MYO5B: variants seen among roughly 807,000 people sequenced by gnomAD.
The protein encoded by MYO5B is myosin VB, also known as unconventional myosin-Vb.
Under a neutral mutation model 229.3 loss-of-function variants are expected in MYO5B, and 143 were observed. The ratio of observed to expected loss-of-function variants is 0.62; its 90% CI spans 0.54 to 0.72. The LOEUF (loss-of-function observed/expected upper bound fraction) is 0.72. Ranked by LOEUF, MYO5B falls within the 30% of genes least tolerant of loss-of-function variation. MYO5B has a pLI of 0.00. For synonymous variants in MYO5B, 918 were observed against 885.2 expected, an observed-to-expected ratio of 1.04 and a Z score of -0.66; for missense variants, 2,321 against 2,331.0, an observed-to-expected ratio of 1.00 and a Z score of 0.09.
intron 2 of MYO5B, among the ~76,000 whole-genome samples, chr18:50,043,492 T>A (rs1568083488): frequency 2.2e-5 from 2 of 89,878 alleles, no homozygotes; most frequent in Non-Finnish European, 4.5e-5. Context: ...AATATATTTT[T>A]ATATATAAAT....
At position 49,836,755 on chromosome 18, in the gene MYO5B, C is replaced by A. The variant is rs200931302; in HGVS notation, c.5269G>T (p.Ala1757Ser). ...LQLKKKTQED[A>S]EAICSLCTSL... The stretch of plus-strand genomic sequence containing the variant: ...GTACACAGGGAGCAGATAGCCTCTG[C>A]GTCCTCCTGGGTTTTCTTCTTTAAT... The change falls in exon 38 of 40, where the codon GCA becomes TCA. Residue 1757 changes from alanine to serine, a missense_variant. Ala to Ser is a moderately conservative substitution (Grantham distance 99). Coordinates refer to ENST00000285039, the MANE Select transcript of MYO5B (RefSeq NM_001080467.3). 6.2e-7 allele frequency: 1 copy of A among 1,614,154 alleles called. No individual in the cohort carries two copies. The highest frequency in any genetic ancestry group is 1.3e-5 in the African/African-American group (1 of 75,052).
chr18:49,862,362 C>T lies in MYO5B; in HGVS notation c.3944+865G>A, dbSNP rs150143196. On this transcript the variant is annotated intron_variant, in intron 29 of 39. Coordinates refer to ENST00000285039, the MANE Select transcript of MYO5B (RefSeq NM_001080467.3). ...GAAGCAGATGATAACAACAGTATCA[C>T]GGCAGTAACACTCATCATGTGCGCA... Among the ~76,000 whole-genome samples, 18 of 152,248 alleles carry T rather than the reference C, an allele frequency of 1.2e-4. No homozygotes were observed. The East Asian group carries it at 3.1e-3, about 26-fold the overall frequency.
intron 2 of MYO5B, among the ~76,000 whole-genome samples, chr18:50,043,329 T>C (rs1318654989): frequency 1.2e-5 from 1 of 84,572 alleles, no homozygotes; most frequent in Non-Finnish European, 2.3e-5. Context: ...AAAATATATA[T>C]TTTATATATT....
At position 49,992,351 on chromosome 18, in the gene MYO5B, C is replaced by A; in HGVS notation, c.693G>T (p.Arg231Ser). 1.9e-6 allele frequency: 3 copies of A among 1,614,168 alleles called. No individual in the cohort carries two copies. In the African/African-American group the frequency reaches 4.0e-5, roughly 22 times the overall value. The part of the protein sequence containing the change: ...GKYIQIGFDK[R>S]YHIIGANMRT... ...TCATGTTGGCCCCGATGATGTGGTA[C>A]CTTTTGTCAAAGCCAATCTGGATGT... Residue 231 changes from arginine (R) to serine (S), a missense_variant, in exon 6 of 40, where the codon AGG (arginine) becomes AGT (serine). Coordinates refer to ENST00000285039, the MANE Select transcript of MYO5B (RefSeq NM_001080467.3).
intron 1 of MYO5B, among the ~76,000 whole-genome samples, chr18:50,102,096 G>A (rs1384018994): frequency 3.9e-5 from 6 of 152,138 alleles, no homozygotes; most frequent in Non-Finnish European, 5.9e-5. Context: ...GAAGGATTGC[G>A]TCCTTGGATG....
chr18:49,930,663 T>C (rs1262038266), intron 16 of MYO5B, among the ~76,000 whole-genome samples: 1 of 151,952 alleles, frequency 6.6e-6, no homozygotes, highest in Non-Finnish European at 1.5e-5. Flanking sequence ...GAGGCCGAGG[T>C]GGGTGGATCA....
At chr18:50,192,090 T>G (rs1490300847) in intron 1 of MYO5B, among the ~76,000 whole-genome samples, 3 of 145,656 alleles carry the variant, frequency 2.1e-5, no homozygotes, top group African/African-American at 7.5e-5. Context: ...AAAAAAAAAA[T>G]GTAGCTTGTT....
chr18:50,134,774 C>T (rs930666680), intron 1 of MYO5B, among the ~76,000 whole-genome samples: 4 of 152,066 alleles, frequency 2.6e-5, no homozygotes, highest in Non-Finnish European at 5.9e-5. Context: ...TTCATATATT[C>T]TCTTCATGGA....
chr18:49,965,484 C>CACA (rs3221123), intron 10 of MYO5B, among the ~76,000 whole-genome samples: 1 of 148,760 alleles, frequency 6.7e-6, no homozygotes, highest in Non-Finnish European at 1.5e-5. Context: ...CACACACACA[C>CACA]CTCTTCTCAT....
intron 31 of MYO5B, chr18:49,850,045 A>C (rs2024180313): frequency 1.2e-5 from 4 of 346,672 alleles, no homozygotes; most frequent in South Asian, 9.6e-5. Context: ...GACAGGTGTG[A>C]GAATGCAGGG....
At position 49,899,938 on chromosome 18, in the gene MYO5B, A is replaced by T. The variant is rs924685313; in HGVS notation, c.2811+2656T>A. ...AAAAAGCTTTTTTTATTTTTTTTTT[A>T]AATAGGCCATTTAAATCTGCTTTTC... On this transcript the variant is annotated intron_variant, in intron 21 of 39. Transcript: ENST00000285039. 5.8e-5 allele frequency among the ~76,000 whole-genome samples: 8 copies of T among 138,842 alleles called. No homozygotes were observed. The East Asian group carries it at 6.3e-4, about 11-fold the overall frequency. The allele number at this position is 138,842 out of a possible 152,430, so 91.1% of individuals were successfully genotyped here.
intron 9 of MYO5B, among the ~76,000 whole-genome samples, chr18:49,975,427 C>T (rs146055221): frequency 6.6e-6 from 1 of 152,258 alleles, no homozygotes; most frequent in Non-Finnish European, 1.5e-5. Flanking sequence ...GAGGCTGAAA[C>T]GCAATAGACG....
chr18:50,048,209 G>T (rs984019369), intron 2 of MYO5B, among the ~76,000 whole-genome samples: 6 of 150,932 alleles, frequency 4.0e-5, no homozygotes, highest in Admixed American at 3.3e-4. Context: ...CCAATCCCCA[G>T]AAAGCTTATT....
In MYO5B at chr18:50,068,063, A is replaced by AC. The variant is rs397739735; in HGVS notation, c.28-12686_28-12685insG. ...CACATATACACACACACACACACACAACACTTTTAGAGTGGAAATATTTTA... is the reference window on the plus strand; with the variant it reads ...CACATATACACACACACACACACACACACACTTTTAGAGTGGAAATATTTTA... On this transcript the variant is annotated intron_variant, in intron 1 of 39. Coordinates refer to ENST00000285039, the MANE Select transcript of MYO5B (RefSeq NM_001080467.3). Among the ~76,000 whole-genome samples, 5 of 151,012 alleles carry AC rather than the reference A, an allele frequency of 3.3e-5. No individual in the cohort carries two copies. In the East Asian group the frequency reaches 5.8e-4, roughly 18 times the overall value.
chr18:50,134,533 C>T (rs2032305491), intron 1 of MYO5B, among the ~76,000 whole-genome samples: 3 of 150,066 alleles, frequency 2.0e-5, no homozygotes, highest in African/African-American at 4.9e-5. Flanking sequence ...CCAGCCTGGG[C>T]GATAGAGTGA....
At chr18:49,916,543 G>A (rs986261117) in intron 17 of MYO5B, among the ~76,000 whole-genome samples, 1 of 152,216 alleles carries the variant, frequency 6.6e-6, no homozygotes, top group African/African-American at 2.4e-5. Context: ...TCCTGCCTAA[G>A]CCACTCCCTT....
intron 14 of MYO5B, among the ~76,000 whole-genome samples, chr18:49,942,380 C>CAAAAAAAAA (rs753691754): frequency 1.8e-4 from 6 of 32,734 alleles, no homozygotes; most frequent in African/African-American, 3.9e-4. Flanking sequence ...TTCTGCACAG[C>CAAAAAAAAA]AAAAAAAAAA....
intron 14 of MYO5B, among the ~76,000 whole-genome samples, chr18:49,946,733 C>T (rs1444817899): frequency 6.6e-6 from 1 of 152,132 alleles, no homozygotes; most frequent in East Asian, 1.9e-4. Flanking sequence ...GCTAGGTTTT[C>T]CTTTAAGTTC....
chr18:50,175,745 T>TC (rs1309336621), intron 1 of MYO5B, among the ~76,000 whole-genome samples: 1 of 152,250 alleles, frequency 6.6e-6, no homozygotes, highest in Non-Finnish European at 1.5e-5. Context: ...TCAAAGGCAC[T>TC]CCCTTATGGC....
Sources: gnomAD v4.1 joint callset for allele counts (sites outside exome capture counted in the v4.1 genomes callset) on GRCh38, gnomAD v4.1.1 for gene constraint, MANE v1.5 for transcripts, NCBI Gene and HGNC (gene_info 2026-07-23, HGNC 2026-07-21) for gene names.